The following AFF2 variants were observed in gnomAD, a reference collection of about 807,000 sequenced individuals.
AFF2 encodes the protein AF4/FMR2 family member 2.
AFF2 carries 14 observed loss-of-function variants against 76.9 expected under a neutral mutation model. The ratio of observed to expected loss-of-function variants is 0.18; its 90% CI spans 0.12 to 0.28. AFF2 has a LOEUF of 0.28. AFF2 is among the 10% of genes least tolerant of loss of function. The pLI, the probability that AFF2 is intolerant of heterozygous loss-of-function variation, is 1.00. For synonymous variants in AFF2, 398 were observed against 366.7 expected (o/e 1.09, Z -0.98); for missense variants, 868 against 1,001.1 (o/e 0.87, Z 1.79).
At chrX:148,535,153 C>T (rs1256953572) in intron 1 of AFF2, among the ~76,000 whole-genome samples, 5 of 111,431 alleles carry the variant, frequency 4.5e-5, no homozygotes, top group Non-Finnish European at 1.9e-5. Context: ...AAGGACTTGG[C>T]GAATAATAGT....
chrX:148,659,463 A>G (rs1375603490), intron 2 of AFF2, among the ~76,000 whole-genome samples: 3 of 112,266 alleles, frequency 2.7e-5, no homozygotes, highest in Non-Finnish European at 5.6e-5. Context: ...ACACCTAGGG[A>G]GAAGGTTCTG....
At chrX:148,914,572 C>G (rs140779310) in intron 9 of AFF2, among the ~76,000 whole-genome samples, 1,541 of 111,698 alleles carry the variant, frequency 0.014, 5 homozygotes, top group South Asian at 0.032. Context: ...ATAGACACAT[C>G]AAATCCTTTC....
At chrX:148,645,847 A>G (rs2054138511) in intron 1 of AFF2, among the ~76,000 whole-genome samples, 2 of 112,447 alleles carry the variant, frequency 1.8e-5, no homozygotes, top group Admixed American at 1.9e-4. Context: ...GGAGACTTAG[A>G]GAATCCTGGT....
intron 9 of AFF2, among the ~76,000 whole-genome samples, chrX:148,918,249 A>T (rs182356548): frequency 2.0e-4 from 22 of 112,720 alleles, no homozygotes; most frequent in Non-Finnish European, 3.0e-4. Context: ...TGTTTTCAAG[A>T]CTTATTGGCT....
intron 7 of AFF2, among the ~76,000 whole-genome samples, chrX:148,865,068 G>T (rs2070890756): frequency 8.9e-6 from 1 of 112,146 alleles, no homozygotes; most frequent in Non-Finnish European, 1.9e-5. Context: ...CACTGTACAA[G>T]GCAGGTCACA....
chrX:148,675,476 T>C (rs1333720298), intron 3 of AFF2, among the ~76,000 whole-genome samples: 6 of 111,061 alleles, frequency 5.4e-5, no homozygotes, highest in African/African-American at 1.6e-4. Flanking sequence ...GTAGCTGCTA[T>C]GCTGTATAGT....
chrX:148,742,820 T>C (rs1378296437), intron 3 of AFF2, among the ~76,000 whole-genome samples: 1 of 112,246 alleles, frequency 8.9e-6, no homozygotes, highest in Admixed American at 9.4e-5. Flanking sequence ...TAAACTCTTA[T>C]CAGTCCATCT....
At chrX:148,875,199 C>T (rs2071022396) in intron 7 of AFF2, among the ~76,000 whole-genome samples, 2 of 111,883 alleles carry the variant, frequency 1.8e-5, no homozygotes, top group Non-Finnish European at 3.8e-5. Context: ...CATTGTGGAG[C>T]CCCTTCTAAA....
chrX:148,864,721 G>GGGTTGTTC (rs2124069763), intron 7 of AFF2, among the ~76,000 whole-genome samples: 1 of 111,987 alleles, frequency 8.9e-6, no homozygotes, highest in South Asian at 3.7e-4. Flanking sequence ...AGCAGCATAA[G>GGGTTGTTC]GGTTGTTCAT....
chrX:148,583,051 G>C (rs1420203145), intron 1 of AFF2, among the ~76,000 whole-genome samples: 1 of 111,789 alleles, frequency 8.9e-6, no homozygotes, highest in Non-Finnish European at 1.9e-5. Context: ...CAGAATAGAC[G>C]AAGACACAGT....
At chrX:148,782,739 A>T (rs956770062) in intron 3 of AFF2, among the ~76,000 whole-genome samples, 6 of 111,861 alleles carry the variant, frequency 5.4e-5, no homozygotes, top group Admixed American at 9.5e-5. Context: ...ATTTAGTTAG[A>T]TTGCATTAAA....
intron 7 of AFF2, among the ~76,000 whole-genome samples, chrX:148,853,245 A>T (rs1288657951): frequency 9.0e-6 from 1 of 110,946 alleles, no homozygotes; most frequent in African/African-American, 3.3e-5. Context: ...CATAATATAT[A>T]TTGTTATATT....
At chrX:148,944,563 T>C (rs868977766) in intron 9 of AFF2, among the ~76,000 whole-genome samples, 1 of 105,217 alleles carries the variant, frequency 9.5e-6, no homozygotes, top group Admixed American at 1.0e-4. Context: ...TGATTTTTTT[T>C]CCCACCTGTT....
At chrX:148,948,595 AG>A (rs1387737703) in intron 9 of AFF2, among the ~76,000 whole-genome samples, 1 of 111,339 alleles carries the variant, frequency 9.0e-6, no homozygotes, top group African/African-American at 3.3e-5. Context: ...GCAAAGAGGC[AG>A]GGGCTGGAGG....
At chrX:148,794,993 T>A (rs1251682667) in intron 3 of AFF2, among the ~76,000 whole-genome samples, 3 of 111,987 alleles carry the variant, frequency 2.7e-5, no homozygotes, top group South Asian at 3.8e-4. Flanking sequence ...TTCTTTTTCA[T>A]CTTAAAAAAT....
At chrX:148,551,181 A>G (rs1557238833) in intron 1 of AFF2, among the ~76,000 whole-genome samples, 1 of 110,564 alleles carries the variant, frequency 9.0e-6, no homozygotes, top group Admixed American at 9.7e-5. Context: ...AAGCAACAAC[A>G]TGGCTCCCCT....
chrX:148,840,570 T>C (rs782608386), intron 5 of AFF2, among the ~76,000 whole-genome samples: 1 of 112,862 alleles, frequency 8.9e-6, no homozygotes, highest in Admixed American at 9.4e-5. Flanking sequence ...AAGAACCTCA[T>C]ATAAGTTTGT....
At chrX:148,952,289 G>A (rs998013867) in intron 9 of AFF2, among the ~76,000 whole-genome samples, 5 of 111,799 alleles carry the variant, frequency 4.5e-5, no homozygotes, top group African/African-American at 1.6e-4. Context: ...TCTCACATTT[G>A]AACATGGGGC....
At chrX:148,713,296 A>T (rs1688492481) in intron 3 of AFF2, among the ~76,000 whole-genome samples, 1 of 111,271 alleles carries the variant, frequency 9.0e-6, no homozygotes, top group African/African-American at 3.3e-5. Flanking sequence ...GTGAGATGAG[A>T]GCCGTTGAAG....
Sources: gnomAD v4.1 joint callset for allele counts (sites outside exome capture counted in the v4.1 genomes callset) on GRCh38, gnomAD v4.1.1 for gene constraint, MANE v1.5 for transcripts, NCBI Gene and HGNC (gene_info 2026-07-23, HGNC 2026-07-21) for gene names.